Variants in IGF2BP2 observed in about 807,000 individuals in gnomAD.
IGF2BP2 encodes the protein insulin like growth factor 2 mRNA binding protein 2.
A neutral mutation model predicts 75.8 loss-of-function variants in IGF2BP2; 17 were observed. That is an observed-to-expected ratio of 0.22 (90% confidence interval 0.15 to 0.34). IGF2BP2 has a LOEUF of 0.34. IGF2BP2 is among the 10% of genes least tolerant of loss of function. The pLI, the probability that IGF2BP2 is intolerant of heterozygous loss-of-function variation, is 1.00. For synonymous variants in IGF2BP2, 288 were observed against 295.6 expected (o/e 0.97, Z 0.26); for missense variants, 516 against 772.4 (o/e 0.67, Z 3.93).
chr3:185,737,626 G>A (rs766111222), intron 2 of IGF2BP2, among the ~76,000 whole-genome samples: 5 of 152,096 alleles, frequency 3.3e-5, no homozygotes, highest in Admixed American at 2.0e-4. Flanking sequence ...AGTGGCATTC[G>A]CAGTAACAGT....
At chr3:185,701,367 TAAAA>T (rs558141080) in intron 2 of IGF2BP2, among the ~76,000 whole-genome samples, 10 of 117,136 alleles carry the variant, frequency 8.5e-5, no homozygotes, top group African/African-American at 2.9e-4. Flanking sequence ...ACCTGCTAAG[TAAAA>T]AAAAAAAAAA....
intron 6 of IGF2BP2, among the ~76,000 whole-genome samples, chr3:185,688,620 G>T (rs34126430): frequency 6.6e-6 from 1 of 152,192 alleles, no homozygotes; most frequent in East Asian, 1.9e-4. Context: ...TGGGATTACA[G>T]GGATGAGTCT....
chr3:185,689,698 G>A, intron 5 of IGF2BP2, 71 bp from the exon 6 acceptor site: 2 of 1,581,080 alleles, frequency 1.3e-6, no homozygotes, highest in Non-Finnish European at 1.7e-6. Context: ...GCCGGGCGCG[G>A]TGGCTCACGC....
chr3:185,776,924 T>C (rs1560453593), intron 2 of IGF2BP2, among the ~76,000 whole-genome samples: 1 of 152,202 alleles, frequency 6.6e-6, no homozygotes, highest in Non-Finnish European at 1.5e-5. Flanking sequence ...ATAAATGAAA[T>C]GAATACATCA....
rs1031722938 is a variant in IGF2BP2 at position 185,692,552 on chromosome 3, G to A, written c.404+147C>T. The A allele has an allele frequency of 5.2e-5, 34 of 654,480 alleles. 1 individual carries two copies. The highest frequency in any genetic ancestry group is 9.2e-5 in the African/African-American group (5 of 54,500). The allele number at this position is 654,480 out of a possible 1,614,324, so 40.5% of individuals were successfully genotyped here. A position where few individuals can be genotyped will look rare whatever the true frequency, so the allele number is the denominator to read the frequency against. Reference sequence around the variant, plus strand: ...ATATGTCAAAGGTGGCTCAGATGCCGTGGAGCTCCATGGGTATGTCAAAGG... The same window carrying A: ...ATATGTCAAAGGTGGCTCAGATGCCATGGAGCTCCATGGGTATGTCAAAGG... On this transcript the variant is annotated intron_variant, in intron 5 of 15. Transcript: ENST00000382199.
In IGF2BP2 at chr3:185,822,863, G is replaced by A. The variant is rs562139060; in HGVS notation, c.239+290C>T. Among the ~76,000 whole-genome samples the A allele has an allele frequency of 2.4e-4, 37 of 151,666 alleles. No individual in the cohort carries two copies. The South Asian group carries it at 3.3e-3, about 14-fold the overall frequency. On this transcript the variant is annotated intron_variant, in intron 2 of 15. Coordinates refer to ENST00000382199, the MANE Select transcript of IGF2BP2 (RefSeq NM_006548.6). The stretch of plus-strand genomic sequence containing the variant: ...GGGGTAGGGGCGGGAGGTGGGGGTG[G>A]GAGGCAATTTTTGATAAACAAGTTA...
At chr3:185,763,955 G>A (rs189051161) in intron 2 of IGF2BP2, among the ~76,000 whole-genome samples, 1 of 152,214 alleles carries the variant, frequency 6.6e-6, no homozygotes, top group Non-Finnish European at 1.5e-5. Flanking sequence ...GGGTAACTCC[G>A]TTCTGCTGCT....
chr3:185,715,306 G>A (rs1725420277), intron 2 of IGF2BP2, among the ~76,000 whole-genome samples: 1 of 152,156 alleles, frequency 6.6e-6, no homozygotes, highest in African/African-American at 2.4e-5. Context: ...AAGAGAGCAG[G>A]CTGGACAGGC....
chr3:185,764,889 G>A (rs2149712507), intron 2 of IGF2BP2, among the ~76,000 whole-genome samples: 1 of 152,262 alleles, frequency 6.6e-6, no homozygotes, highest in African/African-American at 2.4e-5. Flanking sequence ...ATGGGGCTCT[G>A]TGTAGGAGCA....
chr3:185,665,409 A>AGGAGGAGAAGGAGGAGGAGGAGAAGGAG lies in IGF2BP2; in HGVS notation c.1201-7001_1201-7000insCTCCTTCTCCTCCTCCTCCTTCTCCTCC, dbSNP rs1560251099. 4.8e-4 allele frequency among the ~76,000 whole-genome samples: 12 copies of AGGAGGAGAAGGAGGAGGAGGAGAAGGAG among 24,820 alleles called. 1 individual carries two copies. Among genetic ancestry groups the AGGAGGAGAAGGAGGAGGAGGAGAAGGAG allele is most frequent in the African/African-American group, 8.8e-4 (5 of 5,690 alleles). The allele number at this position is 24,820 out of a possible 152,430, so 16.3% of individuals were successfully genotyped here. A position where few individuals can be genotyped will look rare whatever the true frequency, so the allele number is the denominator to read the frequency against. On this transcript the variant is annotated intron_variant, in intron 10 of 15. Transcript: ENST00000382199. ...AGGAGAAGGAGGAGGAGGAGAAGGAAAAGGAGGAGAAGGAGAAGGAGGAGG... is the reference window on the plus strand; with the variant it reads ...AGGAGAAGGAGGAGGAGGAGAAGGAAGGAGGAGAAGGAGGAGGAGGAGAAGGAGAAGGAGGAGAAGGAGAAGGAGGAGG...
chr3:185,721,369 T>C (rs1726512283), intron 2 of IGF2BP2, among the ~76,000 whole-genome samples: 1 of 152,022 alleles, frequency 6.6e-6, no homozygotes, highest in Non-Finnish European at 1.5e-5. Context: ...GCCCAGCTAA[T>C]TTTTGTATTT....
chr3:185,737,640 A>G (rs1729029599), intron 2 of IGF2BP2, among the ~76,000 whole-genome samples: 1 of 152,260 alleles, frequency 6.6e-6, no homozygotes, highest in African/African-American at 2.4e-5. Flanking sequence ...TAACAGTTAC[A>G]TTATTCTATA....
At chr3:185,719,203 A>G (rs1275311070) in intron 2 of IGF2BP2, among the ~76,000 whole-genome samples, 1 of 152,176 alleles carries the variant, frequency 6.6e-6, no homozygotes, top group Non-Finnish European at 1.5e-5. Flanking sequence ...GCTATGGGAG[A>G]TCACTGCAGG....
At chr3:185,729,777 T>A (rs1727888181) in intron 2 of IGF2BP2, 1 of 152,248 alleles carries the variant, frequency 6.6e-6, no homozygotes, top group African/African-American at 2.4e-5. Flanking sequence ...TAAAATACTC[T>A]TTGCCAATTA....
At position 185,643,565 on chromosome 3, in the gene IGF2BP2, G is replaced by T. The variant is rs578101565; in HGVS notation, c.*1966C>A. On this transcript the variant is annotated 3_prime_UTR_variant, in exon 16 of 16. Coordinates refer to ENST00000382199, the MANE Select transcript of IGF2BP2 (RefSeq NM_006548.6). Reference sequence around the variant, plus strand: ...GTCTGGGGACTACACTTTGACCACCGATCTAGTTTAGCTTCTCCCAAAGAC... The same window carrying T: ...GTCTGGGGACTACACTTTGACCACCTATCTAGTTTAGCTTCTCCCAAAGAC... Among the ~76,000 whole-genome samples, 17 of 152,226 alleles carry T rather than the reference G, an allele frequency of 1.1e-4. No homozygotes were observed. The highest frequency in any genetic ancestry group is 6.8e-3 in the Middle Eastern group (2 of 294).
At position 185,645,703 on chromosome 3, in the gene IGF2BP2, T is replaced by C. The variant is rs1713394673; in HGVS notation, c.1708-80A>G. Reference sequence around the variant, plus strand: ...TCTGAGGACAAACGGCAGGGGAGGCTCTGGGGCTTGGGGATGAAGGGTGGA... The same window carrying C: ...TCTGAGGACAAACGGCAGGGGAGGCCCTGGGGCTTGGGGATGAAGGGTGGA... On this transcript the variant is annotated intron_variant, in intron 15 of 15. Coordinates refer to ENST00000382199, the MANE Select transcript of IGF2BP2 (RefSeq NM_006548.6). The surrounding 1 kb of genome is among the most constrained non-coding windows in gnomAD (Gnocchi z 4.9). 9.7e-7 allele frequency: 1 copy of C among 1,035,026 alleles called. No homozygotes were observed. The highest frequency in any genetic ancestry group is 1.5e-6 in the Non-Finnish European group (1 of 658,560). The allele number at this position is 1,035,026 out of a possible 1,614,324, so 64.1% of individuals were successfully genotyped here. A position where few individuals can be genotyped will look rare whatever the true frequency, so the allele number is the denominator to read the frequency against.
intron 7 of IGF2BP2, among the ~76,000 whole-genome samples, chr3:185,679,986 A>C (rs573744298): frequency 6.6e-6 from 1 of 152,348 alleles, no homozygotes; most frequent in East Asian, 1.9e-4. Flanking sequence ...TAAAAATCAG[A>C]GCAGAGATAA....
chr3:185,823,138 G>T lies in IGF2BP2; in HGVS notation c.239+15C>A. 1 of 1,559,228 alleles carries T rather than the reference G, an allele frequency of 6.4e-7. No individual in the cohort carries two copies. Among genetic ancestry groups the T allele is most frequent in the Non-Finnish European group, 8.7e-7 (1 of 1,149,648 alleles). On this transcript the variant is annotated intron_variant, in intron 2 of 15. Transcript: ENST00000382199. ...AGGCCAATCGCAAAAAAAAAACTAA[G>T]CAAAGTATATTTACCTTAGCTTTTT...
rs1465084003 is a variant in IGF2BP2 at position 185,645,195 on chromosome 3, C to T, written c.*336G>A. The T allele has an allele frequency of 2.8e-5, 9 of 320,744 alleles. No individual in the cohort carries two copies. Among genetic ancestry groups the T allele is most frequent in the East Asian group, 1.1e-4 (2 of 18,258 alleles). 19.9% of individuals were successfully genotyped at this position (320,744 alleles called of 1,614,324 possible). ...TGTGCATTTTGCTTGGCTTTGAACA[C>T]GTTCACCTATGTTAGTTCAACTAAA... On this transcript the variant is annotated 3_prime_UTR_variant, in exon 16 of 16. Coordinates refer to ENST00000382199, the MANE Select transcript of IGF2BP2 (RefSeq NM_006548.6). This position sits in a 1 kb window ranked among gnomAD's most constrained non-coding sequence, Gnocchi z 4.9.
Sources: gnomAD v4.1 joint callset for allele counts (sites outside exome capture counted in the v4.1 genomes callset) on GRCh38, gnomAD v4.1.1 for gene constraint, Gnocchi (gnomAD v3.1) non-coding constraint, MANE v1.5 for transcripts, NCBI Gene and HGNC (gene_info 2026-07-23, HGNC 2026-07-21) for gene names.